Variants in WDPCP observed in about 807,000 individuals in gnomAD.
WDPCP encodes the protein WD repeat-containing and planar cell polarity effector protein fritz homolog.
Under a neutral mutation model 93.1 loss-of-function variants are expected in WDPCP, and 71 were observed. That is an observed-to-expected ratio of 0.76 (90% CI 0.63 to 0.93). The LOEUF is 0.93. Ranked by LOEUF, WDPCP falls within the 40% of genes least tolerant of loss-of-function variation. WDPCP has a pLI of 0.00. For synonymous variants in WDPCP, 315 were observed against 315.0 expected (o/e 1.00, Z 0.00); for missense variants, 844 against 887.4 (o/e 0.95, Z 0.62).
intron 2 of WDPCP, among the ~76,000 whole-genome samples, chr2:63,703,482 G>A (rs192457914): frequency 6.6e-6 from 1 of 152,292 alleles, no homozygotes; most frequent in East Asian, 1.9e-4. Flanking sequence ...GTGATCATGA[G>A]CATTTTTTCA....
chr2:63,469,002 A>G (rs547244024), intron 6 of WDPCP, among the ~76,000 whole-genome samples: 12 of 144,312 alleles, frequency 8.3e-5, no homozygotes, highest in African/African-American at 3.4e-4. Flanking sequence ...TAAATACAAG[A>G]AAAAAAAAAG....
At chr2:63,366,694 A>G (rs6546002) in intron 12 of WDPCP, among the ~76,000 whole-genome samples, 1 of 151,676 alleles carries the variant, frequency 6.6e-6, no homozygotes, top group African/African-American at 2.4e-5. Flanking sequence ...ATGTTGTTAT[A>G]CTCTATACCA....
chr2:63,314,181 C>A (rs2103976879), intron 12 of WDPCP, among the ~76,000 whole-genome samples: 1 of 51,848 alleles, frequency 1.9e-5, no homozygotes, highest in African/African-American at 2.0e-4. Flanking sequence ...CTGGCCCCAT[C>A]TTCTTTTTTT....
At chr2:63,122,517 C>T (rs1316829271) in intron 17 of WDPCP, among the ~76,000 whole-genome samples, 2 of 152,140 alleles carry the variant, frequency 1.3e-5, no homozygotes, top group South Asian at 4.1e-4. Flanking sequence ...TTTTATAAGA[C>T]TTTCATAACA....
chr2:63,603,240 G>A (rs1247850907), intron 3 of WDPCP, among the ~76,000 whole-genome samples: 1 of 152,162 alleles, frequency 6.6e-6, no homozygotes, highest in East Asian at 1.9e-4. Context: ...ATAGGTGTGA[G>A]CCACCGCGCC....
intron 1 of WDPCP, among the ~76,000 whole-genome samples, chr2:63,538,904 G>A (rs13391009): frequency 1.7e-3 from 262 of 152,182 alleles, no homozygotes; most frequent in Middle Eastern, 6.8e-3. Context: ...GAAAAATTAT[G>A]TAAGGTGACT....
intron 12 of WDPCP, among the ~76,000 whole-genome samples, chr2:63,332,487 A>G (rs897905295): frequency 6.6e-6 from 1 of 152,130 alleles, no homozygotes; most frequent in African/African-American, 2.4e-5. Flanking sequence ...CTGATGACTA[A>G]TGATGTTGAA....
chr2:63,581,380 C>T (rs1226854063), intron 1 of WDPCP, among the ~76,000 whole-genome samples: 1 of 152,170 alleles, frequency 6.6e-6, no homozygotes, highest in East Asian at 1.9e-4. Context: ...CAGCTGAGTA[C>T]TCACAGCACA....
At chr2:63,730,491 T>C (rs573691960) in intron 2 of WDPCP, among the ~76,000 whole-genome samples, 1 of 152,230 alleles carries the variant, frequency 6.6e-6, no homozygotes, top group East Asian at 1.9e-4. Context: ...TGAGACGGAG[T>C]CTCGCTCTGT....
chr2:63,587,084 G>C (rs1052635222), intron 1 of WDPCP, among the ~76,000 whole-genome samples: 3 of 152,198 alleles, frequency 2.0e-5, no homozygotes, highest in Non-Finnish European at 4.4e-5. Flanking sequence ...GAGGATAATG[G>C]AAGAAATTTT....
At chr2:63,320,442 T>A (rs1471856293) in intron 12 of WDPCP, among the ~76,000 whole-genome samples, 1 of 152,152 alleles carries the variant, frequency 6.6e-6, no homozygotes, top group Admixed American at 6.6e-5. Flanking sequence ...TTACCTTTAT[T>A]TAATATACAC....
chr2:63,493,823 T>C (rs1237146630), intron 1 of WDPCP, among the ~76,000 whole-genome samples: 1 of 152,128 alleles, frequency 6.6e-6, no homozygotes, highest in Non-Finnish European at 1.5e-5. Flanking sequence ...ATATATACAA[T>C]AATTTAAACT....
chr2:63,319,193 C>A (rs1474753888), intron 12 of WDPCP, among the ~76,000 whole-genome samples: 1 of 152,102 alleles, frequency 6.6e-6, no homozygotes, highest in Non-Finnish European at 1.5e-5. Context: ...TTTGTCAGAG[C>A]CTATGTCCAG....
At chr2:63,222,264 G>A (rs1161460115) in intron 14 of WDPCP, among the ~76,000 whole-genome samples, 10 of 152,178 alleles carry the variant, frequency 6.6e-5, no homozygotes, top group Admixed American at 5.2e-4. Context: ...ACTTTTAACA[G>A]TGTCTGGAAG....
intron 12 of WDPCP, among the ~76,000 whole-genome samples, chr2:63,375,101 T>C (rs992110223): frequency 6.6e-6 from 1 of 152,108 alleles, no homozygotes; most frequent in Non-Finnish European, 1.5e-5. Flanking sequence ...AATTATTAAC[T>C]CTTTATAATA....
chr2:63,188,082 C>T (rs760705450), intron 14 of WDPCP, among the ~76,000 whole-genome samples: 8 of 152,034 alleles, frequency 5.3e-5, no homozygotes, highest in Non-Finnish European at 8.8e-5. Flanking sequence ...CTCACTTGTA[C>T]GTGATGAGTT....
chr2:63,596,003 AT>A (rs996775529), intron 3 of WDPCP, among the ~76,000 whole-genome samples: 2 of 152,156 alleles, frequency 1.3e-5, no homozygotes, highest in African/African-American at 4.8e-5. Context: ...TCTACCAATC[AT>A]CAGGTTGAGA....
intron 12 of WDPCP, among the ~76,000 whole-genome samples, chr2:63,320,855 T>A (rs1251330810): frequency 1.3e-5 from 2 of 152,212 alleles, no homozygotes; most frequent in Admixed American, 1.3e-4. Context: ...ACATTAAATG[T>A]TAATGAACTG....
At chr2:63,228,248 T>C (rs1001606027) in intron 14 of WDPCP, 3 of 152,066 alleles carry the variant, frequency 2.0e-5, no homozygotes, top group African/African-American at 7.2e-5. Flanking sequence ...ATTTGAAGTA[T>C]ATATTCAACT....
Sources: allele counts gnomAD v4.1 joint callset (sites outside exome capture counted in the v4.1 genomes callset), GRCh38; gene constraint gnomAD v4.1.1; transcripts MANE v1.5; gene names NCBI Gene and HGNC (gene_info 2026-07-23, HGNC 2026-07-21).